The following CHIC2 variants were observed in gnomAD, a reference collection of about 807,000 sequenced individuals.
CHIC2 encodes the protein cysteine-rich hydrophobic domain-containing protein 2.
Under a neutral mutation model 25.9 loss-of-function variants are expected in CHIC2, and 14 were observed. That is an observed-to-expected ratio of 0.54 (90% CI 0.36 to 0.85). The LOEUF is 0.85. Ranked by LOEUF, CHIC2 falls within the 40% of genes least tolerant of loss-of-function variation. The pLI is 0.01. For missense variants in CHIC2, 146 were observed against 202.0 expected, an observed-to-expected ratio of 0.72 and a Z score of 1.68; for synonymous variants, 70 against 72.0, an observed-to-expected ratio of 0.97 and a Z score of 0.14.
At chr4:54,053,350 A>T (rs1717065871) in intron 1 of CHIC2, among the ~76,000 whole-genome samples, 1 of 152,146 alleles carries the variant, frequency 6.6e-6, no homozygotes, top group Admixed American at 6.5e-5. Flanking sequence ...TGAGGTCAGG[A>T]GTTCGAGACC....
intron 1 of CHIC2, among the ~76,000 whole-genome samples, chr4:54,059,142 AT>A (rs1198877234): frequency 6.6e-6 from 1 of 152,112 alleles, no homozygotes; most frequent in Non-Finnish European, 1.5e-5. Context: ...AATGCATAGA[AT>A]TTTTTCTTCA....
intron 1 of CHIC2, among the ~76,000 whole-genome samples, chr4:54,054,039 T>C (rs1179008965): frequency 6.6e-6 from 1 of 152,204 alleles, no homozygotes; most frequent in East Asian, 1.9e-4. Flanking sequence ...CCGCCCACCT[T>C]GGCCTCCCAA....
the CHIC2 span, among the ~76,000 whole-genome samples, chr4:54,084,959 C>CAAAAAAAAAAAAAAAA: frequency 0.066 from 3,833 of 58,384 alleles, 274 homozygotes; most frequent in Non-Finnish European, 0.096. Context: ...TGCTCTGTCT[C>CAAAAAAAAAAAAAAAA]AAAAAAAAAA....
intron 3 of CHIC2, among the ~76,000 whole-genome samples, chr4:54,035,822 G>A (rs185075030): frequency 5.9e-5 from 9 of 152,232 alleles, no homozygotes; most frequent in African/African-American, 1.9e-4. Flanking sequence ...GCTTTCTAGT[G>A]TAGACTTTCA....
chr4:54,087,555 T>C, the CHIC2 span: 1 of 1,149,924 alleles, frequency 8.7e-7, no homozygotes, highest in Non-Finnish European at 1.2e-6. Flanking sequence ...GAAATCCTCT[T>C]GGCTCACCCT....
the CHIC2 span, among the ~76,000 whole-genome samples, chr4:54,089,392 CATATAT>C: frequency 1.1e-4 from 16 of 145,096 alleles, no homozygotes; most frequent in African/African-American, 2.0e-4. Context: ...CACCACATTC[CATATAT>C]ATATATATAT....
chr4:54,065,693 A>G (rs1372648892), upstream of CHIC2, among the ~76,000 whole-genome samples: 1 of 152,134 alleles, frequency 6.6e-6, no homozygotes, highest in Non-Finnish European at 1.5e-5. Flanking sequence ...GTGAGGATAC[A>G]CCATGGGAGA....
the CHIC2 span, among the ~76,000 whole-genome samples, chr4:54,070,491 C>T: frequency 8.6e-5 from 13 of 152,030 alleles, no homozygotes; most frequent in Non-Finnish European, 1.2e-4. Context: ...GGCACAATCT[C>T]GGCTCACTAC....
At chr4:54,089,656 T>C in the CHIC2 span, among the ~76,000 whole-genome samples, 1 of 152,218 alleles carries the variant, frequency 6.6e-6, no homozygotes, top group African/African-American at 2.4e-5. Flanking sequence ...CCCTTCCATT[T>C]TAACAGGACT....
chr4:54,023,681 T>C (rs1715973473), intron 3 of CHIC2, among the ~76,000 whole-genome samples: 1 of 152,212 alleles, frequency 6.6e-6, no homozygotes, highest in South Asian at 2.1e-4. Context: ...GGCTATGCTA[T>C]AGTATCTTCC....
intron 3 of CHIC2, among the ~76,000 whole-genome samples, chr4:54,047,944 T>G (rs891025557): frequency 7.9e-5 from 12 of 151,958 alleles, no homozygotes; most frequent in African/African-American, 2.9e-4. Context: ...TATAATACAT[T>G]CAATCTATAA....
chr4:54,075,229 T>C, the CHIC2 span, among the ~76,000 whole-genome samples: 1 of 152,374 alleles, frequency 6.6e-6, no homozygotes. Flanking sequence ...TACCTGAATT[T>C]GAGCTTTGAG....
rs773354784 is a variant in CHIC2 at position 54,064,154 on chromosome 4, C to G, written c.119+28G>C. ...ACGGGGCCCACCCCAGCCCGCACCT[C>G]CCGCCCTCGCCCTCCTCCGGGCCTT... On this transcript the variant is annotated intron_variant, in intron 1 of 5. Coordinates refer to ENST00000263921, the MANE Select transcript of CHIC2 (RefSeq NM_012110.4). This position sits in a 1 kb window ranked among gnomAD's most constrained non-coding sequence, Gnocchi z 4.2. 14 of 1,579,830 alleles carry G rather than the reference C, an allele frequency of 8.9e-6. No homozygotes were observed. The highest frequency in any genetic ancestry group is 1.2e-5 in the Non-Finnish European group (14 of 1,161,124).
intron 3 of CHIC2, among the ~76,000 whole-genome samples, chr4:54,043,474 C>T (rs1451161886): frequency 2.0e-5 from 3 of 150,630 alleles, no homozygotes; most frequent in Admixed American, 2.0e-4. Flanking sequence ...ACTCTACAAG[C>T]CAGAAGAGAG....
the CHIC2 span, chr4:54,087,466 T>G: frequency 1.3e-6 from 1 of 787,670 alleles, no homozygotes; most frequent in Admixed American, 3.0e-5. Context: ...TTAATGAAAT[T>G]GTGACAAGAA....
At chr4:54,067,529 A>G (rs934974359), upstream of CHIC2, among the ~76,000 whole-genome samples, 1 of 152,026 alleles carries the variant, frequency 6.6e-6, no homozygotes, top group Admixed American at 6.6e-5. Context: ...CTTCCTGGAG[A>G]TAAGCCACTT....
Position 54,048,974 on chromosome 4 carries a change from A to G in CHIC2, c.311T>C (p.Val104Ala), listed in dbSNP as rs930534222. The G allele has an allele frequency of 6.3e-7, 1 of 1,575,368 alleles. No individual in the cohort carries two copies. Among genetic ancestry groups the G allele is most frequent in the African/African-American group, 1.4e-5 (1 of 73,880 alleles). Reference sequence around the variant, plus strand: ...ACTTACTCTTTTACTGAGGCAAATAACTGGCCACATACTGCAACCTAATGT... The same window carrying G: ...ACTTACTCTTTTACTGAGGCAAATAGCTGGCCACATACTGCAACCTAATGT... ...CCTLGCSMWP[V>A]ICLSKRTRRS... The change falls in exon 3 of 6, where the codon GTT (valine) becomes GCT (alanine). Residue 104 changes from valine to alanine, a missense_variant. Physicochemically the swap from Val to Ala is moderately conservative, Grantham distance 64. Coordinates refer to ENST00000263921, the MANE Select transcript of CHIC2 (RefSeq NM_012110.4).
intron 3 of CHIC2, among the ~76,000 whole-genome samples, chr4:54,027,261 A>C (rs957474082): frequency 6.6e-6 from 1 of 152,198 alleles, no homozygotes; most frequent in Admixed American, 6.5e-5. Context: ...TTTACAGAGA[A>C]ATGAATGTCA....
At chr4:54,074,114 C>A in the CHIC2 span, among the ~76,000 whole-genome samples, 99 of 151,954 alleles carry the variant, frequency 6.5e-4, 1 homozygote, top group East Asian at 7.8e-4. Context: ...GCCTAGATGG[C>A]ACCACTGCAC....
Sources: gnomAD v4.1 joint callset for allele counts (sites outside exome capture counted in the v4.1 genomes callset) on GRCh38, gnomAD v4.1.1 for gene constraint, Gnocchi (gnomAD v3.1) non-coding constraint, MANE v1.5 for transcripts, NCBI Gene and HGNC (gene_info 2026-07-23, HGNC 2026-07-21) for gene names.